Variants in ASAP3 observed in about 807,000 individuals in gnomAD.
The protein encoded by ASAP3 is arf-GAP with SH3 domain, ANK repeat and PH domain-containing protein 3.
ASAP3 carries 85 observed loss-of-function variants against 118.2 expected under a neutral mutation model. The ratio of observed to expected loss-of-function variants is 0.72; its 90% confidence interval spans 0.60 to 0.86. The LOEUF (loss-of-function observed/expected upper bound fraction) is 0.86, where lower values mean the gene tolerates loss of function less well. Among genes scored for constraint, ASAP3 ranks in the 40% least tolerant of loss-of-function variants. ASAP3 has a pLI of 0.00. For synonymous variants in ASAP3, 432 were observed against 477.4 expected (o/e 0.90, Z 1.24); for missense variants, 1,026 against 1,175.0 (o/e 0.87, Z 1.85).
chr1:23,457,764 C>T (rs573808222), intron 1 of ASAP3, among the ~76,000 whole-genome samples: 4 of 152,178 alleles, frequency 2.6e-5, no homozygotes, highest in Non-Finnish European at 2.9e-5. Flanking sequence ...CCACCCGCTT[C>T]GGCCTCCCAA....
In ASAP3 at chr1:23,437,540, C is replaced by T. The variant is rs941584201; in HGVS notation, c.1103-68G>A. 26 of 1,589,294 alleles carry T rather than the reference C, an allele frequency of 1.6e-5. No individual in the cohort carries two copies. The highest frequency in any genetic ancestry group is 2.1e-5 in the Non-Finnish European group (25 of 1,163,890). On this transcript the variant is annotated intron_variant, in intron 12 of 24. Coordinates refer to ENST00000336689, the MANE Select transcript of ASAP3 (RefSeq NM_017707.4). The surrounding 1 kb of genome is among the most constrained non-coding windows in gnomAD (Gnocchi z 6.1). Reference sequence around the variant, plus strand: ...TGGCCTTCCCGGAGCCCAGGGAGCCCCCACCAAAGCCGCTGGGGCCACATG... The same window carrying T: ...TGGCCTTCCCGGAGCCCAGGGAGCCTCCACCAAAGCCGCTGGGGCCACATG...
rs748837787 is a variant in ASAP3 at position 23,433,248 on chromosome 1, G to A, written c.2152C>T (p.Gln718Ter). The change falls in exon 22 of 25, where the codon CAG becomes TAG. Residue 718 changes from glutamine (Q) to a stop codon, truncating the protein, a stop_gained. Transcript: ENST00000336689. LOFTEE classifies it high-confidence loss of function. ...AGCCTCCCACTGGCCCAGTGAGCCT[G>A]GGCCGGGAGCTTCAGCAAGCAGCGC... Reference protein sequence around the residue: ...EKRCLLKLPAQAHWASGRLDI... With the variant: ...EKRCLLKLPA 1 of 1,609,018 alleles carries A rather than the reference G, an allele frequency of 6.2e-7. No homozygotes were observed. Among genetic ancestry groups the A allele is most frequent in the South Asian group, 1.1e-5 (1 of 90,748 alleles).
rs1013180999 is a variant in ASAP3 at position 23,438,554 on chromosome 1, G to A, written c.1102+193C>T. ...TAAATAGCCACATTTATTATGTAAA[G>A]TGGGTGCATTTTGACATTTAATGTG... On this transcript the variant is annotated intron_variant, in intron 12 of 24. Coordinates refer to ENST00000336689, the MANE Select transcript of ASAP3 (RefSeq NM_017707.4). This position sits in a 1 kb window ranked among gnomAD's most constrained non-coding sequence, Gnocchi z 4.9. Among the ~76,000 whole-genome samples, 4 of 152,210 alleles carry A rather than the reference G, an allele frequency of 2.6e-5. No homozygotes were observed. Among genetic ancestry groups the A allele is most frequent in the Non-Finnish European group, 5.9e-5 (4 of 68,038 alleles).
chr1:23,441,772 G>T, intron 7 of ASAP3, 42 bp from the exon 8 acceptor site: 1 of 1,605,588 alleles, frequency 6.2e-7, no homozygotes, highest in South Asian at 1.1e-5. Context: ...AGATAAAGAT[G>T]GAAATGAGAG....
chr1:23,474,049 C>T (rs1020881994), intron 1 of ASAP3, among the ~76,000 whole-genome samples: 2 of 119,948 alleles, frequency 1.7e-5, no homozygotes, highest in Non-Finnish European at 3.2e-5. Context: ...CTCACTGAAA[C>T]ATCCACCTCC....
At position 23,436,646 on chromosome 1, in the gene ASAP3, C is replaced by G. The variant is rs148723559; in HGVS notation, c.1485G>C (p.Leu495Phe). The G allele has an allele frequency of 5.6e-6, 9 of 1,614,234 alleles. No homozygotes were observed. In the African/African-American group the frequency reaches 1.2e-4, roughly 22 times the overall value. ...LLGPSELLLA[L>F]NMGNTSFNEV... ...CATTGAAGCTCGTGTTTCCCATGTTCAAGGCCAGCTGGAGTCGTAGGAAAA... is the reference window on the plus strand; with the variant it reads ...CATTGAAGCTCGTGTTTCCCATGTTGAAGGCCAGCTGGAGTCGTAGGAAAA... Residue 495 changes from leucine to phenylalanine, a missense_variant, in exon 16 of 25, where the codon TTG (leucine) becomes TTC (phenylalanine). Transcript: ENST00000336689. The surrounding 1 kb of genome is among the most constrained non-coding windows in gnomAD (Gnocchi z 4.2).
intron 11 of ASAP3, 31 bp downstream of exon 11, chr1:23,439,130 C>T: frequency 6.2e-7 from 1 of 1,610,944 alleles, no homozygotes; most frequent in Admixed American, 1.7e-5. Flanking sequence ...GTCCATCGTG[C>T]CCTGAGACTC....
At position 23,434,291 on chromosome 1, in the gene ASAP3, G is replaced by C. The variant is rs755455409; in HGVS notation, c.1914C>G (p.Leu638=). The change falls in exon 19 of 25, where the codon CTC becomes CTG. Residue 638 remains leucine (L), a synonymous_variant. Coordinates refer to ENST00000336689, the MANE Select transcript of ASAP3 (RefSeq NM_017707.4). ...YAALYNQPDC[L]KLLLKGRALV... The stretch of plus-strand genomic sequence containing the variant: ...AAGCTCTCCCCTTCAGCAGCAGCTT[G>C]AGGCAGTCGGGCTGGTTGTAGAGTG... The C allele has an allele frequency of 6.2e-7, 1 of 1,614,080 alleles. No individual in the cohort carries two copies. Among genetic ancestry groups the C allele is most frequent in the Non-Finnish European group, 8.5e-7 (1 of 1,180,052 alleles).
intron 24 of ASAP3, 42 bp downstream of exon 24, chr1:23,430,993 A>C (rs1570319181): frequency 1.3e-6 from 2 of 1,487,438 alleles, no homozygotes; most frequent in Non-Finnish European, 9.0e-7. Context: ...CCTCCCAGGC[A>C]CCCTGCCACC....
At chr1:23,441,771 T>C (rs762239217) in intron 7 of ASAP3, 41 bp from the exon 8 acceptor site, 9 of 1,607,796 alleles carry the variant, frequency 5.6e-6, no homozygotes, top group East Asian at 2.2e-5. Context: ...CAGATAAAGA[T>C]GGAAATGAGA....
chr1:23,484,263 G>T, upstream of ASAP3: 1 of 781,686 alleles, frequency 1.3e-6, no homozygotes, highest in Non-Finnish European at 1.5e-6. Context: ...CGCACGCCCC[G>T]CCCCCGACCC....
rs535583916 is a variant in ASAP3 at position 23,431,715 on chromosome 1, A to G, written c.2527T>C (p.Tyr843His). 1.6e-5 allele frequency: 25 copies of G among 1,522,032 alleles called. No homozygotes were observed. Among genetic ancestry groups the G allele is most frequent in the African/African-American group, 1.4e-5 (1 of 71,114 alleles). 94.3% of individuals were successfully genotyped at this position (1,522,032 alleles called of 1,614,324 possible). ...ACCAACCTGAATCTGACGGGGAGGT[A>G]CATCTCCGAAGGGGTGGTCCCGGAT... ...LTSGTTPSEMYLPVRFSSEST... is the reference protein window; with the variant it reads ...LTSGTTPSEMHLPVRFSSEST... Residue 843 changes from tyrosine to histidine, a missense_variant, in exon 23 of 25, where the codon TAC becomes CAC. By Grantham distance (83) the Tyr-to-His change is moderately conservative (BLOSUM62 2). Transcript: ENST00000336689.
intron 1 of ASAP3, among the ~76,000 whole-genome samples, chr1:23,471,962 A>C (rs866713146): frequency 1.3e-5 from 2 of 152,212 alleles, no homozygotes; most frequent in Non-Finnish European, 2.9e-5. Context: ...TGAACCTTGA[A>C]AACACTGTGC....
At chr1:23,455,261 C>T (rs1041117328) in intron 3 of ASAP3, among the ~76,000 whole-genome samples, 6 of 152,236 alleles carry the variant, frequency 3.9e-5, no homozygotes, top group African/African-American at 1.4e-4. Flanking sequence ...AACACATGAA[C>T]TAGTGAGAAC....
At chr1:23,459,424 C>T (rs1257879166) in intron 1 of ASAP3, among the ~76,000 whole-genome samples, 1 of 152,134 alleles carries the variant, frequency 6.6e-6, no homozygotes, top group East Asian at 1.9e-4. Context: ...AGGTGGGCCC[C>T]TGCAGCCTTG....
chr1:23,452,871 G>T, intron 3 of ASAP3, 100 bp from the exon 4 acceptor site: 1 of 1,183,780 alleles, frequency 8.4e-7, no homozygotes. Flanking sequence ...AGAGAGCAGC[G>T]GGGAAGGGAA....
intron 10 of ASAP3, among the ~76,000 whole-genome samples, chr1:23,439,809 T>TG (rs1640799810): frequency 6.6e-6 from 1 of 152,148 alleles, no homozygotes; most frequent in South Asian, 2.1e-4. Flanking sequence ...ACAGCAGTTT[T>TG]GTTTTTTTGT....
intron 1 of ASAP3, among the ~76,000 whole-genome samples, chr1:23,458,627 A>C (rs1016842221): frequency 6.6e-6 from 1 of 152,016 alleles, no homozygotes; most frequent in African/African-American, 2.4e-5. Flanking sequence ...ACAAAAAACA[A>C]CCAAAATGTT....
chr1:23,441,345 CT>C, intron 9 of ASAP3, 41 bp downstream of exon 9: 1 of 1,610,988 alleles, frequency 6.2e-7, no homozygotes, highest in Non-Finnish European at 8.5e-7. Context: ...CACGGTGGGC[CT>C]TGGGGGAGGG....
Sources: allele counts gnomAD v4.1 joint callset (sites outside exome capture counted in the v4.1 genomes callset), GRCh38; gene constraint gnomAD v4.1.1; non-coding constraint Gnocchi (gnomAD v3.1); transcripts MANE v1.5; gene names NCBI Gene and HGNC (gene_info 2026-07-23, HGNC 2026-07-21).